STAT4: variants seen among roughly 807,000 people sequenced by gnomAD.
STAT4 encodes the protein signal transducer and activator of transcription 4.
Under a neutral mutation model 110.5 loss-of-function variants are expected in STAT4, and 42 were observed. The ratio of observed to expected loss-of-function variants is 0.38; its 90% confidence interval spans 0.30 to 0.49. STAT4 has a LOEUF of 0.49. Ranked by LOEUF, STAT4 falls within the 20% of genes least tolerant of loss-of-function variation. The probability of loss-of-function intolerance (pLI) is 0.95; values close to 1 mark genes in which losing one functional copy is unlikely to be tolerated. For synonymous variants in STAT4, 284 were observed against 302.2 expected (o/e 0.94, Z 0.63); for missense variants, 632 against 887.9 (o/e 0.71, Z 3.66).
intron 3 of STAT4, among the ~76,000 whole-genome samples, chr2:191,088,637 A>C (rs530763592): frequency 9.8e-5 from 15 of 152,322 alleles, no homozygotes; most frequent in African/African-American, 3.6e-4. Flanking sequence ...ATTGAAAGAG[A>C]AAACCAAAGT....
chr2:191,041,233 T>C, intron 14 of STAT4, 85 bp from the exon 15 acceptor site: 1 of 575,564 alleles, frequency 1.7e-6, no homozygotes, highest in South Asian at 8.7e-5. Flanking sequence ...AATTAATATA[T>C]TTATTAATAA....
At chr2:191,139,127 C>T (rs1033007563) in intron 3 of STAT4, among the ~76,000 whole-genome samples, 3 of 151,822 alleles carry the variant, frequency 2.0e-5, no homozygotes, top group South Asian at 2.1e-4. Flanking sequence ...ATATGACAAA[C>T]CTACAGCCAA....
At chr2:191,087,129 C>T (rs1318094265) in intron 3 of STAT4, among the ~76,000 whole-genome samples, 2 of 152,118 alleles carry the variant, frequency 1.3e-5, no homozygotes, top group Admixed American at 1.3e-4. Flanking sequence ...TGGAATGTGA[C>T]ACAACTGTTT....
In STAT4 at chr2:191,033,781, G is replaced by T. The variant is rs1348599631; in HGVS notation, c.1715+130C>A. 2 of 1,337,756 alleles carry T rather than the reference G, an allele frequency of 1.5e-6. No homozygotes were observed. Among genetic ancestry groups the T allele is most frequent in the Admixed American group, 2.5e-5 (1 of 40,776 alleles). 82.9% of individuals were successfully genotyped at this position (1,337,756 alleles called of 1,614,324 possible). On this transcript the variant is annotated intron_variant, in intron 19 of 23. Coordinates refer to ENST00000392320, the MANE Select transcript of STAT4 (RefSeq NM_003151.4). This position sits in a 1 kb window ranked among gnomAD's most constrained non-coding sequence, Gnocchi z 6.9. The stretch of plus-strand genomic sequence containing the variant: ...AATATACATAGTGCCACTCCACAAA[G>T]AATAAGAAATTGCAACTATTTTTTT...
At position 191,066,704 on chromosome 2, in the gene STAT4, A is replaced by G. The variant is rs1341754539; in HGVS notation, c.545-189T>C. Among the ~76,000 whole-genome samples, 3 of 152,170 alleles carry G rather than the reference A, an allele frequency of 2.0e-5. No individual in the cohort carries two copies. The highest frequency in any genetic ancestry group is 2.9e-5 in the Non-Finnish European group (2 of 68,024). On this transcript the variant is annotated intron_variant, in intron 6 of 23. Coordinates refer to ENST00000392320, the MANE Select transcript of STAT4 (RefSeq NM_003151.4). This position sits in a 1 kb window ranked among gnomAD's most constrained non-coding sequence, Gnocchi z 4.3. ...AGGGAGAATCACATCCAAGCATGCA[A>G]AAAAGGACCTCTTTATTTTAGAGCT...
intron 14 of STAT4, among the ~76,000 whole-genome samples, chr2:191,048,103 G>A (rs886791295): frequency 6.6e-6 from 1 of 152,230 alleles, no homozygotes; most frequent in African/African-American, 2.4e-5. Context: ...GGATTCCACA[G>A]ACAGAGCAAT....
intron 3 of STAT4, among the ~76,000 whole-genome samples, chr2:191,084,445 T>G (rs1021579899): frequency 3.9e-4 from 59 of 152,106 alleles, no homozygotes; most frequent in Non-Finnish European, 3.8e-4. Flanking sequence ...AAAAATGAGT[T>G]ATTAAGAATT....
chr2:191,100,737 A>G (rs1225599379), intron 3 of STAT4, among the ~76,000 whole-genome samples: 2 of 151,444 alleles, frequency 1.3e-5, no homozygotes. Context: ...TCTTATTTAT[A>G]TATTTGATTA....
At chr2:191,088,213 G>A (rs945034839) in intron 3 of STAT4, among the ~76,000 whole-genome samples, 2 of 152,168 alleles carry the variant, frequency 1.3e-5, no homozygotes, top group Non-Finnish European at 2.9e-5. Context: ...TAAGCCATTA[G>A]AGTAAGGTTA....
chr2:191,101,747 T>C (rs543754103), intron 3 of STAT4, among the ~76,000 whole-genome samples: 1 of 152,234 alleles, frequency 6.6e-6, no homozygotes, highest in African/African-American at 2.4e-5. Flanking sequence ...ACTTGGTACA[T>C]ACTGACCCAT....
rs1696527580 is a variant in STAT4, at chr2:191,051,684, G to T, written c.1251+2806C>A. On this transcript the variant is annotated intron_variant, in intron 14 of 23. Transcript: ENST00000392320. This position sits in a 1 kb window ranked among gnomAD's most constrained non-coding sequence, Gnocchi z 5.6. Reference sequence around the variant, plus strand: ...TGCAGACACTCTGTGAGATAGATGGGGTGAGGTGACGGGGCAGTAGGAGTG... The same window carrying T: ...TGCAGACACTCTGTGAGATAGATGGTGTGAGGTGACGGGGCAGTAGGAGTG... 6.6e-6 allele frequency among the ~76,000 whole-genome samples: 1 copy of T among 152,206 alleles called. No homozygotes were observed. Among genetic ancestry groups the T allele is most frequent in the African/African-American group, 2.4e-5 (1 of 41,442 alleles).
intron 3 of STAT4, among the ~76,000 whole-genome samples, chr2:191,101,583 T>C (rs1368646069): frequency 1.3e-5 from 2 of 152,192 alleles, no homozygotes; most frequent in Non-Finnish European, 2.9e-5. Context: ...ATATTCTTGG[T>C]TAAACCAACC....
chr2:191,140,825 A>G lies in STAT4; in HGVS notation c.273+5788T>C, dbSNP rs139238554. On this transcript the variant is annotated intron_variant, in intron 3 of 23. Transcript: ENST00000392320. The surrounding 1 kb of genome is among the most constrained non-coding windows in gnomAD (Gnocchi z 4.4). ...CAGTACAATTCACAATTGCAAAGAT[A>G]AGGAACCAACCTAAGTGTCCATCAA... Among the ~76,000 whole-genome samples the G allele has an allele frequency of 2.8e-3, 423 of 152,338 alleles. 2 individuals carry two copies. The highest frequency in any genetic ancestry group is 9.6e-3 in the African/African-American group (398 of 41,580).
intron 4 of STAT4, among the ~76,000 whole-genome samples, chr2:191,074,159 G>T (rs898042265): frequency 2.2e-4 from 34 of 152,254 alleles, no homozygotes; most frequent in African/African-American, 7.9e-4. Flanking sequence ...CAAGCAGAAC[G>T]TCTTAGCTAC....
rs1015015068 is a variant in STAT4, at chr2:191,146,348, A to G, written c.273+265T>C. Among the ~76,000 whole-genome samples the G allele has an allele frequency of 2.6e-5, 4 of 152,166 alleles. 1 individual carries two copies. Among genetic ancestry groups the G allele is most frequent in the East Asian group, 3.8e-4 (2 of 5,196 alleles). On this transcript the variant is annotated intron_variant, in intron 3 of 23. Transcript: ENST00000392320. The surrounding 1 kb of genome is among the most constrained non-coding windows in gnomAD (Gnocchi z 4.5). ...CTGGTCAGTGTTGTTGAACTGAATCATAGCTAGTAAACAAGATACATGCAA... is the reference window on the plus strand; with the variant it reads ...CTGGTCAGTGTTGTTGAACTGAATCGTAGCTAGTAAACAAGATACATGCAA...
chr2:191,125,651 C>A (rs1698863851), intron 3 of STAT4, among the ~76,000 whole-genome samples: 1 of 151,884 alleles, frequency 6.6e-6, no homozygotes, highest in Non-Finnish European at 1.5e-5. Flanking sequence ...GCTACCATGC[C>A]CAACTAATTT....
At position 191,086,200 on chromosome 2, in the gene STAT4, C is replaced by T. The variant is rs918231941; in HGVS notation, c.274-9875G>A. ...AGGAATTGGGATTGATGTACAGAGC[C>T]CATAAAAGCCCTTTGGAAAAACTGG... On this transcript the variant is annotated intron_variant, in intron 3 of 23. Coordinates refer to ENST00000392320, the MANE Select transcript of STAT4 (RefSeq NM_003151.4). The surrounding 1 kb of genome is among the most constrained non-coding windows in gnomAD (Gnocchi z 5.5). Among the ~76,000 whole-genome samples the T allele has an allele frequency of 4.6e-5, 7 of 152,080 alleles. No individual in the cohort carries two copies. Among genetic ancestry groups the T allele is most frequent in the Admixed American group, 3.3e-4 (5 of 15,260 alleles).
At chr2:191,054,386 T>A in intron 14 of STAT4, 104 bp downstream of exon 14, 1 of 954,194 alleles carries the variant, frequency 1.0e-6, no homozygotes. Flanking sequence ...GAGAAAAACA[T>A]GAATTTGATT....
chr2:191,141,097 C>CG (rs1032981681), intron 3 of STAT4, among the ~76,000 whole-genome samples: 2 of 149,320 alleles, frequency 1.3e-5, no homozygotes, highest in South Asian at 2.1e-4. Context: ...AGGTTGGGAG[C>CG]GGGGGGTGAG....
Sources: allele counts gnomAD v4.1 joint callset (sites outside exome capture counted in the v4.1 genomes callset), GRCh38; gene constraint gnomAD v4.1.1; non-coding constraint Gnocchi (gnomAD v3.1); transcripts MANE v1.5; gene names NCBI Gene and HGNC (gene_info 2026-07-23, HGNC 2026-07-21).